SUGCT: variants seen among roughly 807,000 people sequenced by gnomAD.
The protein encoded by SUGCT is succinyl-CoA:glutarate-CoA transferase.
In SUGCT, 41 loss-of-function variants were observed where a neutral mutation model predicts 55.0. The ratio of observed to expected loss-of-function variants is 0.74; its 90% confidence interval spans 0.58 to 0.97. The LOEUF (loss-of-function observed/expected upper bound fraction) is 0.97. Among genes scored for constraint, SUGCT ranks in the 50% least tolerant of loss-of-function variants. The pLI is 0.00. For missense variants in SUGCT, 568 were observed against 547.8 expected (o/e 1.04, Z -0.37); for synonymous variants, 187 against 200.4 (o/e 0.93, Z 0.56).
chr7:40,925,486 C>T, the SUGCT span, among the ~76,000 whole-genome samples: 1 of 152,320 alleles, frequency 6.6e-6, no homozygotes, highest in African/African-American at 2.4e-5. Flanking sequence ...CCTTGGCATT[C>T]TTTCAGCTTT....
intron 12 of SUGCT, chr7:40,499,161 G>T: frequency 2.2e-6 from 1 of 455,600 alleles, no homozygotes; most frequent in South Asian, 1.6e-5. Context: ...ACAGCTGCTA[G>T]TTCAACTGGA....
the SUGCT span, among the ~76,000 whole-genome samples, chr7:40,931,974 T>G: frequency 6.6e-6 from 1 of 152,210 alleles, no homozygotes; most frequent in African/African-American, 2.4e-5. Flanking sequence ...AGCTTTTGAA[T>G]GTGTTTGCTC....
At chr7:40,439,601 G>T (rs977985420) in intron 9 of SUGCT, among the ~76,000 whole-genome samples, 5 of 152,138 alleles carry the variant, frequency 3.3e-5, no homozygotes, top group Admixed American at 1.3e-4. Context: ...TGGTCCCGGT[G>T]CTACGCCACT....
At chr7:40,218,222 CAA>C (rs1787787254) in intron 6 of SUGCT, among the ~76,000 whole-genome samples, 1 of 151,786 alleles carries the variant, frequency 6.6e-6, no homozygotes, top group Non-Finnish European at 1.5e-5. Context: ...CAAAACAAAA[CAA>C]AAAAAGTAAG....
chr7:41,002,837 G>A, the SUGCT span, among the ~76,000 whole-genome samples: 1 of 152,076 alleles, frequency 6.6e-6, no homozygotes, highest in Non-Finnish European at 1.5e-5. Flanking sequence ...GCTTGAAAGG[G>A]CTGGGGCCTG....
intron 8 of SUGCT, among the ~76,000 whole-genome samples, chr7:40,302,990 C>A (rs1442627160): frequency 6.6e-6 from 1 of 152,110 alleles, no homozygotes; most frequent in African/African-American, 2.4e-5. Flanking sequence ...AACAAACAAT[C>A]CCACTCTATT....
chr7:40,307,372 C>T (rs952915600), intron 8 of SUGCT, among the ~76,000 whole-genome samples: 5 of 152,024 alleles, frequency 3.3e-5, no homozygotes, highest in Non-Finnish European at 7.4e-5. Flanking sequence ...TTTTTCTTTA[C>T]CAAGTAGTAA....
chr7:40,877,247 G>C, the SUGCT span, among the ~76,000 whole-genome samples: 1 of 152,142 alleles, frequency 6.6e-6, no homozygotes, highest in Non-Finnish European at 1.5e-5. Flanking sequence ...AATTTAGCAA[G>C]TGCTAAGAAT....
intron 13 of SUGCT, among the ~76,000 whole-genome samples, chr7:40,793,475 A>G (rs1202224974): frequency 6.6e-6 from 1 of 152,186 alleles, no homozygotes; most frequent in African/African-American, 2.4e-5. Context: ...TTGAGAAGTC[A>G]GCGTTCTAAC....
At chr7:40,241,456 G>A (rs1322396205) in intron 7 of SUGCT, among the ~76,000 whole-genome samples, 2 of 151,572 alleles carry the variant, frequency 1.3e-5, no homozygotes, top group East Asian at 3.9e-4. Context: ...GCACATGCAT[G>A]TAATCCCAGC....
At chr7:40,707,724 G>A (rs1453100129) in intron 12 of SUGCT, among the ~76,000 whole-genome samples, 1 of 152,098 alleles carries the variant, frequency 6.6e-6, no homozygotes, top group Non-Finnish European at 1.5e-5. Context: ...TCAACATCAG[G>A]AAACTTACAA....
chr7:40,710,280 C>T lies in SUGCT; in HGVS notation c.1090-39154C>T, dbSNP rs138899422. Among the ~76,000 whole-genome samples, 56 of 152,306 alleles carry T rather than the reference C, an allele frequency of 3.7e-4. 1 individual carries two copies. The East Asian group carries it at 9.5e-3, about 26-fold the overall frequency. ...TGTAGAACGCAACACAGAGGAGATA[C>T]ATTTCTACAGACACAACCTTGAAGT... On this transcript the variant is annotated intron_variant, in intron 12 of 13. Coordinates refer to ENST00000335693, the MANE Select transcript of SUGCT (RefSeq NM_001193313.2).
intron 12 of SUGCT, among the ~76,000 whole-genome samples, chr7:40,644,600 C>T (rs751703530): frequency 1.3e-5 from 2 of 152,228 alleles, no homozygotes; most frequent in Non-Finnish European, 2.9e-5. Flanking sequence ...AGTCGGCTCA[C>T]CCACAGGCAC....
intron 13 of SUGCT, among the ~76,000 whole-genome samples, chr7:40,761,541 A>G: frequency 6.6e-6 from 1 of 152,172 alleles, no homozygotes; most frequent in East Asian, 1.9e-4. Context: ...ACTTTGGGAA[A>G]CCTGCATTAG....
At chr7:40,830,062 T>G (rs7803781) in intron 13 of SUGCT, among the ~76,000 whole-genome samples, 83 of 152,282 alleles carry the variant, frequency 5.5e-4, no homozygotes, top group Middle Eastern at 3.4e-3. Context: ...CACCACGTCA[T>G]GAGCACACCC....
chr7:40,558,348 A>C (rs760439252), intron 12 of SUGCT, among the ~76,000 whole-genome samples: 1 of 152,200 alleles, frequency 6.6e-6, no homozygotes, highest in Non-Finnish European at 1.5e-5. Flanking sequence ...CACAATAGCC[A>C]AAAGGTGAAA....
intron 9 of SUGCT, among the ~76,000 whole-genome samples, chr7:40,390,108 T>C (rs1194173610): frequency 1.3e-5 from 2 of 152,130 alleles, no homozygotes; most frequent in Non-Finnish European, 2.9e-5. Flanking sequence ...AAACTCTCAA[T>C]AAAGTAGGTA....
intron 9 of SUGCT, among the ~76,000 whole-genome samples, chr7:40,363,206 T>C (rs1325296989): frequency 6.6e-6 from 1 of 151,932 alleles, no homozygotes; most frequent in East Asian, 1.9e-4. Context: ...TCTCTCTTTT[T>C]TTCTTTATTA....
At chr7:40,290,809 G>GA (rs1196744352) in intron 8 of SUGCT, among the ~76,000 whole-genome samples, 4 of 151,884 alleles carry the variant, frequency 2.6e-5, no homozygotes, top group Non-Finnish European at 5.9e-5. Context: ...AAATCTACAA[G>GA]AAAAAAACAG....
Sources: allele counts gnomAD v4.1 joint callset (sites outside exome capture counted in the v4.1 genomes callset), GRCh38; gene constraint gnomAD v4.1.1; transcripts MANE v1.5; gene names NCBI Gene and HGNC (gene_info 2026-07-23, HGNC 2026-07-21).